Variants in CLYBL observed in about 807,000 individuals in gnomAD.
The protein encoded by CLYBL is citramalyl-CoA lyase.
A neutral mutation model predicts 38.9 loss-of-function variants in CLYBL; 31 were observed. The ratio of observed to expected loss-of-function variants is 0.80; its 90% CI spans 0.60 to 1.08. The LOEUF (loss-of-function observed/expected upper bound fraction) is 1.08. Ranked by LOEUF, CLYBL falls within the 50% of genes least tolerant of loss-of-function variation. CLYBL has a pLI of 0.00. For missense variants in CLYBL, 434 were observed against 411.6 expected, an observed-to-expected ratio of 1.05 and a Z score of -0.47; for synonymous variants, 171 against 158.6, an observed-to-expected ratio of 1.08 and a Z score of -0.59.
At chr13:99,612,013 C>T (rs1039649392) in intron 1 of CLYBL, among the ~76,000 whole-genome samples, 2 of 152,176 alleles carry the variant, frequency 1.3e-5, no homozygotes, top group Non-Finnish European at 1.5e-5. Flanking sequence ...TCACTACAGT[C>T]CAATGTTAGG....
At chr13:99,872,913 A>G (rs1426270931) in intron 7 of CLYBL, among the ~76,000 whole-genome samples, 2 of 151,762 alleles carry the variant, frequency 1.3e-5, no homozygotes, top group Non-Finnish European at 2.9e-5. Flanking sequence ...ACACCTTTTG[A>G]TGATGGCAAC....
rs1244539509 is a variant in CLYBL at position 99,849,437 on chromosome 13, TAGGAGTTCG to T, written c.250-9420_250-9412del. On this transcript the variant is annotated intron_variant, in intron 2 of 8. Transcript: ENST00000339105. The surrounding 1 kb of genome is among the most constrained non-coding windows in gnomAD (Gnocchi z 4.9). Reference sequence around the variant, plus strand: ...CCAAGGCGAGCGGATTGCTGGGGCCTAGGAGTTCGAGGCAGCAGTGAGCCATGATCCTGC... The same window carrying T: ...CCAAGGCGAGCGGATTGCTGGGGCCTAGGCAGCAGTGAGCCATGATCCTGC... 6.6e-6 allele frequency among the ~76,000 whole-genome samples: 1 copy of T among 151,868 alleles called. No individual in the cohort carries two copies. The highest frequency in any genetic ancestry group is 1.5e-5 in the Non-Finnish European group (1 of 67,972).
At chr13:99,828,784 T>C (rs2050747657) in intron 2 of CLYBL, among the ~76,000 whole-genome samples, 1 of 152,220 alleles carries the variant, frequency 6.6e-6, no homozygotes, top group South Asian at 2.1e-4. Flanking sequence ...ATGTCATCTT[T>C]TTTTCTTTCT....
chr13:99,769,537 G>T (rs999689340), intron 1 of CLYBL, among the ~76,000 whole-genome samples: 5 of 152,194 alleles, frequency 3.3e-5, no homozygotes, highest in African/African-American at 1.2e-4. Flanking sequence ...CAGTGTGAAT[G>T]ATAAGTAAAA....
intron 1 of CLYBL, among the ~76,000 whole-genome samples, chr13:99,610,719 C>T (rs1367594762): frequency 2.0e-5 from 3 of 152,140 alleles, no homozygotes; most frequent in Non-Finnish European, 2.9e-5. Context: ...TTTCCTTAGC[C>T]GGTATACAGC....
intron 1 of CLYBL, among the ~76,000 whole-genome samples, chr13:99,631,361 G>A (rs1005938138): frequency 1.0e-4 from 15 of 149,192 alleles, no homozygotes; most frequent in African/African-American, 3.6e-4. Flanking sequence ...GTGTGTGTGT[G>A]TGTATGTATA....
At chr13:99,786,458 T>C (rs1026147003) in intron 2 of CLYBL, among the ~76,000 whole-genome samples, 2 of 152,102 alleles carry the variant, frequency 1.3e-5, no homozygotes, top group African/African-American at 4.8e-5. Context: ...CATGCGGTGT[T>C]TGGTTTTTTG....
intron 1 of CLYBL, among the ~76,000 whole-genome samples, chr13:99,722,892 A>G (rs2048415663): frequency 1.3e-5 from 2 of 152,304 alleles, no homozygotes; most frequent in South Asian, 4.1e-4. Flanking sequence ...GGACACTAGG[A>G]CTGTTTACTT....
chr13:99,752,524 G>C (rs1037948966), intron 1 of CLYBL, among the ~76,000 whole-genome samples: 1 of 152,112 alleles, frequency 6.6e-6, no homozygotes, highest in African/African-American at 2.4e-5. Flanking sequence ...AAAATGGACA[G>C]TGACCAAACT....
At position 99,871,048 on chromosome 13, in the gene CLYBL, C is replaced by A; in HGVS notation, c.913C>A (p.Gln305Lys). The A allele has an allele frequency of 6.2e-7, 1 of 1,613,870 alleles. No individual in the cohort carries two copies. The highest frequency in any genetic ancestry group is 1.1e-5 in the South Asian group (1 of 91,074). Reference protein sequence around the residue: ...EELIAAFKEHQQLGKGAFTFQ... With the variant: ...EELIAAFKEHKQLGKGAFTFQ... ...ACTGATTGCTGCCTTTAAAGAACATCAACAATTAGGAAAGGTAAATGTTTT... is the reference window on the plus strand; with the variant it reads ...ACTGATTGCTGCCTTTAAAGAACATAAACAATTAGGAAAGGTAAATGTTTT... The change falls in exon 7 of 9, where the codon CAA (glutamine) becomes AAA (lysine). Residue 305 changes from glutamine to lysine, a missense_variant. Gln to Lys is a moderately conservative substitution (Grantham distance 53). Coordinates refer to ENST00000339105, the MANE Select transcript of CLYBL (RefSeq NM_206808.5).
intron 2 of CLYBL, among the ~76,000 whole-genome samples, chr13:99,815,389 C>G (rs1465624529): frequency 2.0e-5 from 3 of 152,014 alleles, no homozygotes; most frequent in Non-Finnish European, 4.4e-5. Context: ...GAGACTCCAT[C>G]TCTACCAAAA....
At chr13:99,714,713 C>T (rs1308997142) in intron 1 of CLYBL, among the ~76,000 whole-genome samples, 4 of 151,714 alleles carry the variant, frequency 2.6e-5, no homozygotes, top group Non-Finnish European at 5.9e-5. Flanking sequence ...TTTGGGAGGC[C>T]GAGGTGGGCG....
intron 1 of CLYBL, among the ~76,000 whole-genome samples, chr13:99,633,634 T>A (rs1330530648): frequency 2.0e-5 from 3 of 151,826 alleles, no homozygotes; most frequent in Non-Finnish European, 4.4e-5. Context: ...TTAATGCATA[T>A]GGGGTTTCCT....
In CLYBL at chr13:99,697,051, A is replaced by G. The variant is rs564419180; in HGVS notation, c.63-75773A>G. 2.4e-4 allele frequency among the ~76,000 whole-genome samples: 36 copies of G among 152,202 alleles called. No homozygotes were observed. In the South Asian group the frequency reaches 4.6e-3, roughly 19 times the overall value. The stretch of plus-strand genomic sequence containing the variant: ...CCATTGTCCTGTAATGCCCTTATGC[A>G]TTTGGCCAAGCCCTCTTAGCTTCTT... On this transcript the variant is annotated intron_variant, in intron 1 of 8. Transcript: ENST00000339105.
intron 2 of CLYBL, among the ~76,000 whole-genome samples, chr13:99,813,373 A>C (rs1486386558): frequency 6.6e-6 from 1 of 152,232 alleles, no homozygotes; most frequent in African/African-American, 2.4e-5. Flanking sequence ...GGTCAAGTGC[A>C]AGAACAGTAA....
chr13:99,861,429 T>C (rs2051599320), intron 3 of CLYBL, among the ~76,000 whole-genome samples: 1 of 152,224 alleles, frequency 6.6e-6, no homozygotes, highest in Non-Finnish European at 1.5e-5. Context: ...TCACAAGTTT[T>C]CTTTTTTAAT....
intron 2 of CLYBL, among the ~76,000 whole-genome samples, chr13:99,846,650 G>C (rs1286989586): frequency 1.3e-5 from 2 of 152,220 alleles, no homozygotes; most frequent in African/African-American, 4.8e-5. Flanking sequence ...AAGAAGTCAA[G>C]GACTGGCTTC....
intron 1 of CLYBL, among the ~76,000 whole-genome samples, chr13:99,635,985 C>T (rs2047012670): frequency 1.3e-5 from 2 of 152,152 alleles, no homozygotes; most frequent in Admixed American, 6.5e-5. Flanking sequence ...GTTTTTCTCT[C>T]CCATTAGACT....
chr13:99,608,162 C>G (rs1209751387), intron 1 of CLYBL, among the ~76,000 whole-genome samples: 2 of 151,352 alleles, frequency 1.3e-5, no homozygotes, highest in Admixed American at 1.3e-4. Flanking sequence ...ACCTCCGCCT[C>G]CCGGATTCAA....
Sources: gnomAD v4.1 joint callset for allele counts (sites outside exome capture counted in the v4.1 genomes callset) on GRCh38, gnomAD v4.1.1 for gene constraint, Gnocchi (gnomAD v3.1) non-coding constraint, MANE v1.5 for transcripts, NCBI Gene and HGNC (gene_info 2026-07-23, HGNC 2026-07-21) for gene names.